Variants in AK3 observed in about 807,000 individuals in gnomAD.
AK3 encodes the protein GTP:AMP phosphotransferase AK3, mitochondrial.
A neutral mutation model predicts 23.7 loss-of-function variants in AK3; 27 were observed. The observed-to-expected ratio is 1.14, with a 90% CI of 0.84 to 1.57. The LOEUF is 1.57. Among genes scored for constraint, AK3 ranks in the 40% most tolerant of loss-of-function variants. The probability of loss-of-function intolerance (pLI) is 0.00; values close to 1 mark genes in which losing one functional copy is unlikely to be tolerated. For missense variants in AK3, 406 were observed against 285.6 expected (o/e 1.42, Z -3.04); for synonymous variants, 159 against 116.0 (o/e 1.37, Z -2.38).
chr9:4,711,743 C>T lies in AK3; in HGVS notation c.*1233G>A, dbSNP rs576309850. 10 of 152,204 alleles carry T rather than the reference C, an allele frequency of 6.6e-5. No individual in the cohort carries two copies. Among genetic ancestry groups the T allele is most frequent in the African/African-American group, 2.4e-4 (10 of 41,446 alleles). 9.4% of individuals were successfully genotyped at this position (152,204 alleles called of 1,614,324 possible). On this transcript the variant is annotated 3_prime_UTR_variant, in exon 5 of 5. Transcript: ENST00000381809. ...ACCAGACCACACAGTACATCAGCAA[C>T]CATCCTTTAGATTCCAATTTTTAAA...
intron 2 of AK3, among the ~76,000 whole-genome samples, chr9:4,720,585 G>A (rs1841869129): frequency 1.3e-5 from 2 of 151,810 alleles, no homozygotes; most frequent in South Asian, 2.1e-4. Flanking sequence ...AGCTACTCAG[G>A]AGGCTGAGGC....
chr9:4,741,175 C>T lies in AK3; in HGVS notation c.-88G>A. Reference sequence around the variant, plus strand: ...CCGCTCGGCAGCCTGCGCCGGCCGGCTAGCAGCGCCACTAGCAGGCGGCTA... The same window carrying T: ...CCGCTCGGCAGCCTGCGCCGGCCGGTTAGCAGCGCCACTAGCAGGCGGCTA... On this transcript the variant is annotated 5_prime_UTR_variant, in exon 1 of 5. Coordinates refer to ENST00000381809, the MANE Select transcript of AK3 (RefSeq NM_016282.4). The T allele has an allele frequency of 1.5e-6, 2 of 1,294,582 alleles. No individual in the cohort carries two copies. The highest frequency in any genetic ancestry group is 2.0e-6 in the Non-Finnish European group (2 of 1,011,182). The allele number at this position is 1,294,582 out of a possible 1,614,324, so 80.2% of individuals were successfully genotyped here. A position where few individuals can be genotyped will look rare whatever the true frequency, so the allele number is the denominator to read the frequency against.
At chr9:4,736,157 C>A (rs1349924887) in intron 1 of AK3, among the ~76,000 whole-genome samples, 1 of 150,112 alleles carries the variant, frequency 6.7e-6, no homozygotes, top group South Asian at 2.1e-4. Context: ...GATGTCTGCA[C>A]AACTCTGTGA....
intron 1 of AK3, among the ~76,000 whole-genome samples, chr9:4,724,436 T>C (rs1841974966): frequency 6.6e-6 from 1 of 152,146 alleles, no homozygotes; most frequent in South Asian, 2.1e-4. Context: ...TATCAGTATA[T>C]GAATAGCTGT....
intron 1 of AK3, among the ~76,000 whole-genome samples, chr9:4,727,949 T>G (rs1253871741): frequency 3.3e-5 from 5 of 152,160 alleles, no homozygotes; most frequent in Admixed American, 6.6e-5. Flanking sequence ...GACAAGGGAA[T>G]GGCTGGTTAG....
intron 1 of AK3, among the ~76,000 whole-genome samples, chr9:4,730,169 G>A (rs775093613): frequency 6.6e-6 from 1 of 152,164 alleles, no homozygotes; most frequent in Non-Finnish European, 1.5e-5. Context: ...GCCAAAGGCT[G>A]GGAGGGTTGG....
intron 1 of AK3, among the ~76,000 whole-genome samples, chr9:4,732,942 C>T (rs1842188783): frequency 6.6e-6 from 1 of 151,498 alleles, no homozygotes; most frequent in Non-Finnish European, 1.5e-5. Flanking sequence ...AACCCCTGGG[C>T]TCAAGCATCC....
rs1012330951 is a variant in AK3, at chr9:4,709,561, A to C, written c.*3415T>G. On this transcript the variant is annotated 3_prime_UTR_variant, in exon 5 of 5. Transcript: ENST00000381809. Reference sequence around the variant, plus strand: ...ATGACACAGTGCTGGACTGATTTACACTTAGGCATGACAGTTTATTCAGTG... The same window carrying C: ...ATGACACAGTGCTGGACTGATTTACCCTTAGGCATGACAGTTTATTCAGTG... 6.6e-6 allele frequency: 1 copy of C among 152,230 alleles called. No homozygotes were observed. Among genetic ancestry groups the C allele is most frequent in the Non-Finnish European group, 1.5e-5 (1 of 68,042 alleles). 9.4% of individuals were successfully genotyped at this position (152,230 alleles called of 1,614,324 possible).
chr9:4,737,711 C>T (rs1359356640), intron 1 of AK3, among the ~76,000 whole-genome samples: 1 of 152,102 alleles, frequency 6.6e-6, no homozygotes, highest in Non-Finnish European at 1.5e-5. Flanking sequence ...AGAGTGGGGA[C>T]TCTGTCTCAA....
In AK3 at chr9:4,721,393, A is replaced by G. The variant is rs547170580; in HGVS notation, c.271+1113T>C. On this transcript the variant is annotated intron_variant, in intron 2 of 4. Coordinates refer to ENST00000381809, the MANE Select transcript of AK3 (RefSeq NM_016282.4). ...ACTCCAGCCTGGGCAACAGAGCCAG[A>G]CACTGTCTCCATTAAAAAAAAAAAA... is the stretch of plus-strand genomic sequence containing the variant. Among the ~76,000 whole-genome samples the G allele has an allele frequency of 4.8e-3, 674 of 140,562 alleles. 8 individuals carry two copies. Among genetic ancestry groups the G allele is most frequent in the Non-Finnish European group, 7.9e-3 (508 of 64,550 alleles). The allele number at this position is 140,562 out of a possible 152,430, so 92.2% of individuals were successfully genotyped here.
chr9:4,718,329 A>T, intron 4 of AK3, 90 bp downstream of exon 4: 1 of 947,362 alleles, frequency 1.1e-6, no homozygotes, highest in East Asian at 2.4e-5. Context: ...GTCTTTTGGC[A>T]TTTTAGCATT....
chr9:4,722,687 C>T (rs1274064081), intron 1 of AK3, 62 bp from the exon 2 acceptor site: 9 of 1,603,990 alleles, frequency 5.6e-6, no homozygotes, highest in African/African-American at 2.7e-5. Flanking sequence ...CCAGGCACCT[C>T]GGAACGAGTT....
At position 4,711,233 on chromosome 9, in the gene AK3, T is replaced by A. The variant is rs1033326090; in HGVS notation, c.*1743A>T. 6.5e-6 allele frequency: 1 copy of A among 152,704 alleles called. No individual in the cohort carries two copies. Among genetic ancestry groups the A allele is most frequent in the African/African-American group, 2.4e-5 (1 of 41,458 alleles). 9.5% of individuals were successfully genotyped at this position (152,704 alleles called of 1,614,324 possible). On this transcript the variant is annotated 3_prime_UTR_variant, in exon 5 of 5. Transcript: ENST00000381809. ...TCAGGCAGCAGAAAGGAAGGTGGGATGGAGCAGGCCCTGTGAAGGACCAAG... is the reference window on the plus strand; with the variant it reads ...TCAGGCAGCAGAAAGGAAGGTGGGAAGGAGCAGGCCCTGTGAAGGACCAAG...
In AK3 at chr9:4,709,804, C is replaced by T. The variant is rs183331999; in HGVS notation, c.*3172G>A. The stretch of plus-strand genomic sequence containing the variant: ...AAGCTATTTCTACAGTTTATCAGGG[C>T]CTGAGGATTTATTTTTATTTTTATT... On this transcript the variant is annotated 3_prime_UTR_variant, in exon 5 of 5. Coordinates refer to ENST00000381809, the MANE Select transcript of AK3 (RefSeq NM_016282.4). The T allele has an allele frequency of 1.3e-4, 20 of 152,140 alleles. No individual in the cohort carries two copies. The East Asian group carries it at 3.9e-3, about 29-fold the overall frequency. The allele number at this position is 152,140 out of a possible 1,614,324, so 9.4% of individuals were successfully genotyped here. A position where few individuals can be genotyped will look rare whatever the true frequency, so the allele number is the denominator to read the frequency against.
intron 3 of AK3, 86 bp downstream of exon 3, chr9:4,719,049 T>G: frequency 7.1e-7 from 1 of 1,412,662 alleles, no homozygotes; most frequent in South Asian, 1.3e-5. Flanking sequence ...GGTCAGAGGA[T>G]TTCCAAGTTC....
Position 4,738,735 on chromosome 9 carries a change from C to T in AK3, c.151+2202G>A, listed in dbSNP as rs1014283930. ...CATTTGCATGAAATAGATATAGTTT[C>T]CTTCTTTTATAATAAATATGCTTTA... On this transcript the variant is annotated intron_variant, in intron 1 of 4. Transcript: ENST00000381809. 2.1e-5 allele frequency among the ~76,000 whole-genome samples: 3 copies of T among 145,768 alleles called. No homozygotes were observed. In the South Asian group the frequency reaches 6.6e-4, roughly 32 times the overall value.
At chr9:4,739,103 C>A (rs977153679) in intron 1 of AK3, among the ~76,000 whole-genome samples, 1 of 152,010 alleles carries the variant, frequency 6.6e-6, no homozygotes, top group Non-Finnish European at 1.5e-5. Context: ...AACCTGACCC[C>A]AACCAGTAGC....
intron 1 of AK3, among the ~76,000 whole-genome samples, chr9:4,728,916 T>C (rs1262962926): frequency 6.8e-6 from 1 of 146,896 alleles, no homozygotes; most frequent in East Asian, 2.0e-4. Context: ...TATATATACA[T>C]ACATATAAAT....
intron 1 of AK3, among the ~76,000 whole-genome samples, chr9:4,731,805 A>G (rs1042480579): frequency 6.6e-6 from 1 of 152,148 alleles, no homozygotes; most frequent in African/African-American, 2.4e-5. Context: ...TTTGAACCGC[A>G]TGGGTCTACC....
Sources: allele counts gnomAD v4.1 joint callset (sites outside exome capture counted in the v4.1 genomes callset), GRCh38; gene constraint gnomAD v4.1.1; transcripts MANE v1.5; gene names NCBI Gene and HGNC (gene_info 2026-07-23, HGNC 2026-07-21).